DNHD1: variants seen among roughly 807,000 people sequenced by gnomAD.
DNHD1 encodes dynein heavy chain domain-containing protein 1.
In DNHD1, 383 loss-of-function variants were observed where a neutral mutation model predicts 458.1. That is an observed-to-expected ratio of 0.84 (90% confidence interval 0.77 to 0.91). DNHD1 has a LOEUF of 0.91. Ranked by LOEUF, DNHD1 falls within the 40% of genes least tolerant of loss-of-function variation. The pLI is 0.00. For missense variants in DNHD1, 5,336 were observed against 5,866.1 expected (o/e 0.91, Z 2.95); for synonymous variants, 2,203 against 2,376.9 (o/e 0.93, Z 2.13).
At position 6,557,179 on chromosome 11, in the gene DNHD1, C is replaced by A. The variant is rs1372947386; in HGVS notation, c.7884C>A (p.Gly2628=). 6.4e-7 allele frequency: 1 copy of A among 1,551,730 alleles called. No individual in the cohort carries two copies. The highest frequency in any genetic ancestry group is 1.2e-5 in the South Asian group (1 of 84,062). The change falls in exon 25 of 43, where the codon GGC becomes GGA. Residue 2628 remains glycine (G), a synonymous_variant. Transcript: ENST00000254579. Reference sequence around the variant, plus strand: ...AGGAGCACTTGCGCCGGGTGTCAGGCCTGCGAGGCACTTGTCTGACCGTTA... The same window carrying A: ...AGGAGCACTTGCGCCGGGTGTCAGGACTGCGAGGCACTTGTCTGACCGTTA... ...NHQEHLRRVS[G]LRGTCLTVMM...
chr11:6,538,341 C>A (rs1467253943), intron 14 of DNHD1, 42 bp from the exon 15 acceptor site: 17 of 1,550,028 alleles, frequency 1.1e-5, no homozygotes, highest in Middle Eastern at 1.7e-4. Context: ...CCCCTCCCAA[C>A]ACTGCAAGTA....
In DNHD1 at chr11:6,562,954, GCTGCAGGGCCTGGAT is replaced by G; in HGVS notation, c.9520-24_9520-10del. 1 of 1,546,002 alleles carries G rather than the reference GCTGCAGGGCCTGGAT, an allele frequency of 6.5e-7. No individual in the cohort carries two copies. Among genetic ancestry groups the G allele is most frequent in the Non-Finnish European group, 8.7e-7 (1 of 1,143,226 alleles). ...TTTCCCGCGTGGCCCAAGATCTGGA[GCTGCAGGGCCTGGAT>G]CTGTCTCTGCAGAGTCTCAGCATGT... On this transcript the variant is annotated splice_polypyrimidine_tract_variant and intron_variant, in intron 28 of 42. Transcript: ENST00000254579.
At chr11:6,532,524 A>G (rs1852847328) in intron 12 of DNHD1, among the ~76,000 whole-genome samples, 1 of 152,164 alleles carries the variant, frequency 6.6e-6, no homozygotes, top group African/African-American at 2.4e-5. Flanking sequence ...GAATACTTTT[A>G]TGTCTGCTAG....
In DNHD1 at chr11:6,558,102, T is replaced by C; in HGVS notation, c.8807T>C (p.Met2936Thr). ...CLRDASWHAGMLSQPVALLVP... is the reference protein window; with the variant it reads ...CLRDASWHAGTLSQPVALLVP... Reference sequence around the variant, plus strand: ...CGAGATGCCAGCTGGCATGCTGGCATGTTAAGCCAGCCAGTGGCTCTGTTG... The same window carrying C: ...CGAGATGCCAGCTGGCATGCTGGCACGTTAAGCCAGCCAGTGGCTCTGTTG... Residue 2936 changes from methionine (M) to threonine (T), a missense_variant, in exon 25 of 43, where the codon ATG (methionine) becomes ACG (threonine). Physicochemically the swap from Met to Thr is moderately conservative, Grantham distance 81. Around this residue, in one of 4 missense-constraint regions of DNHD1, gnomAD observed 3,932 missense variants for 4,365.6 expected, o/e 0.90. Transcript: ENST00000254579. The C allele has an allele frequency of 1.3e-6, 2 of 1,551,668 alleles. No homozygotes were observed. Among genetic ancestry groups the C allele is most frequent in the Non-Finnish European group, 1.7e-6 (2 of 1,146,978 alleles).
chr11:6,514,533 CT>C (rs1426190463), intron 7 of DNHD1, among the ~76,000 whole-genome samples: 1 of 149,798 alleles, frequency 6.7e-6, no homozygotes, highest in South Asian at 2.1e-4. Context: ...CCCTTCCTCC[CT>C]TTTTCTCTCC....
intron 18 of DNHD1, among the ~76,000 whole-genome samples, chr11:6,543,644 A>T (rs537380169): frequency 6.6e-6 from 1 of 152,196 alleles, no homozygotes; most frequent in East Asian, 1.9e-4. Context: ...GGCTCTACAT[A>T]TTGGCTGATG....
At position 6,548,361 on chromosome 11, in the gene DNHD1, C is replaced by T; in HGVS notation, c.7057C>T (p.His2353Tyr). Residue 2353 changes from histidine (H) to tyrosine (Y), a missense_variant, in exon 23 of 43, where the codon CAC becomes TAC. By Grantham distance (83) the His-to-Tyr change is moderately conservative. Transcript: ENST00000254579. The surrounding 1 kb of genome is among the most constrained non-coding windows in gnomAD (Gnocchi z 4.4). Reference protein sequence around the residue: ...VPFTGQYLSSHIKGTLGTFHP... With the variant: ...VPFTGQYLSSYIKGTLGTFHP... ...CTTCACTGGCCAATACCTGAGCAGC[C>T]ACATCAAAGGAACTTTGGGCACCTT... The T allele has an allele frequency of 6.4e-7, 1 of 1,551,674 alleles. No individual in the cohort carries two copies. The highest frequency in any genetic ancestry group is 8.7e-7 in the Non-Finnish European group (1 of 1,146,988).
At position 6,502,825 on chromosome 11, in the gene DNHD1, T is replaced by A. The variant is rs1457424366; in HGVS notation, c.819T>A (p.Thr273=). ...GCAGCACCGGCTTTTCACCTGAGACTTCCTTCCTGGATAGCCAGGTGATGA... is the reference window on the plus strand; with the variant it reads ...GCAGCACCGGCTTTTCACCTGAGACATCCTTCCTGGATAGCCAGGTGATGA... ...QKSSTGFSPE[T]SFLDSQVMTA... is the part of the protein sequence containing the mutation. The change falls in exon 4 of 43, where the codon ACT becomes ACA. Residue 273 remains threonine (T), a synonymous_variant. Transcript: ENST00000254579. The A allele has an allele frequency of 6.2e-6, 10 of 1,613,056 alleles. No individual in the cohort carries two copies. The highest frequency in any genetic ancestry group is 7.6e-6 in the Non-Finnish European group (9 of 1,179,608).
Position 6,519,782 on chromosome 11 carries a change from C to G in DNHD1, c.1575C>G (p.Asp525Glu). 1 of 1,613,776 alleles carries G rather than the reference C, an allele frequency of 6.2e-7. No individual in the cohort carries two copies. Among genetic ancestry groups the G allele is most frequent in the South Asian group, 1.1e-5 (1 of 91,078 alleles). The stretch of plus-strand genomic sequence containing the variant: ...TGGGAAAGTTTGCCCGCCTGGTTGA[C>G]TACATGATTTGTCAGAGCCTCATTT... ...LQLGKFARLV[D>E]YMICQSLISV... The change falls in exon 8 of 43, where the codon GAC (aspartate) becomes GAG (glutamate). Residue 525 changes from aspartate (D) to glutamate (E), a missense_variant. Physicochemically the swap from Asp to Glu is conservative, Grantham distance 45 (BLOSUM62 2). Around this residue, in one of 4 missense-constraint regions of DNHD1, gnomAD observed 3,932 missense variants for 4,365.6 expected, o/e 0.90. Coordinates refer to ENST00000254579, the MANE Select transcript of DNHD1 (RefSeq NM_144666.3).
At chr11:6,509,110 G>A (rs752685203) in intron 5 of DNHD1, 27 bp downstream of exon 5, 5 of 1,614,048 alleles carry the variant, frequency 3.1e-6, no homozygotes, top group Non-Finnish European at 3.4e-6. Flanking sequence ...ATGTGATTTG[G>A]GGGGAAATGG....
intron 16 of DNHD1, 34 bp downstream of exon 16, chr11:6,538,844 G>C: frequency 6.8e-7 from 1 of 1,465,944 alleles, no homozygotes; most frequent in Non-Finnish European, 9.1e-7. Flanking sequence ...AGGGGGAAAG[G>C]GAAATATGTG....
rs767947865 is a variant in DNHD1, at chr11:6,511,421, C to G, written c.1384C>G (p.Leu462Val). Residue 462 changes from leucine (L) to valine (V), a missense_variant, in exon 7 of 43, where the codon CTT becomes GTT. Coordinates refer to ENST00000254579, the MANE Select transcript of DNHD1 (RefSeq NM_144666.3). Reference sequence around the variant, plus strand: ...TTGCCTAAACCTCTGCACATCCATTCTTCGACTGGTAAGAGGCTCTTAGTT... The same window carrying G: ...TTGCCTAAACCTCTGCACATCCATTGTTCGACTGGTAAGAGGCTCTTAGTT... The part of the protein sequence containing the change: ...HRCLNLCTSI[L>V]RLVHEDTYHM... 1.9e-6 allele frequency: 3 copies of G among 1,614,026 alleles called. No homozygotes were observed. Among genetic ancestry groups the G allele is most frequent in the South Asian group, 1.1e-5 (1 of 91,080 alleles).
At chr11:6,541,560 C>T (rs116654423) in intron 18 of DNHD1, among the ~76,000 whole-genome samples, 323 of 152,276 alleles carry the variant, frequency 2.1e-3, no homozygotes, top group African/African-American at 7.4e-3. Flanking sequence ...GAGCTTCTAT[C>T]GCTCTGTGGC....
rs894256780 is a variant in DNHD1, at chr11:6,568,664, G to C, written c.12662-1G>C. Reference sequence around the variant, plus strand: ...GACTCAGCACTCTCCTTCCTCCCCAGCTGTGCTGACTCAGCACTCCATGCC... The same window carrying C: ...GACTCAGCACTCTCCTTCCTCCCCACCTGTGCTGACTCAGCACTCCATGCC... On this transcript the variant is annotated splice_acceptor_variant, in intron 38 of 42. Coordinates refer to ENST00000254579, the MANE Select transcript of DNHD1 (RefSeq NM_144666.3). LOFTEE classifies it high-confidence loss of function. 13 of 1,613,816 alleles carry C rather than the reference G, an allele frequency of 8.1e-6. No individual in the cohort carries two copies. Among genetic ancestry groups the C allele is most frequent in the Admixed American group, 6.7e-5 (4 of 59,994 alleles).
chr11:6,514,246 G>A (rs1852409005), intron 7 of DNHD1, among the ~76,000 whole-genome samples: 1 of 152,108 alleles, frequency 6.6e-6, no homozygotes, highest in Admixed American at 6.5e-5. Flanking sequence ...TGGGATTACA[G>A]GTGTGAGCCA....
chr11:6,518,415 A>G (rs1322971624), intron 7 of DNHD1, among the ~76,000 whole-genome samples: 1 of 152,194 alleles, frequency 6.6e-6, no homozygotes, highest in Non-Finnish European at 1.5e-5. Context: ...TTGGTGCTTT[A>G]AAAATGTATA....
In DNHD1 at chr11:6,556,715, A is replaced by C. The variant is rs1564819850; in HGVS notation, c.7420A>C (p.Thr2474Pro). 1 of 1,548,674 alleles carries C rather than the reference A, an allele frequency of 6.5e-7. No homozygotes were observed. The part of the protein sequence containing the change: ...PEKSCQPVLE[T>P]LRQAMDGTVY... ...GAAGAGCTGCCAGCCAGTGTTGGAG[A>C]CTCTGCGCCAGGCCATGGATGGCAC... The change falls in exon 25 of 43, where the codon ACT becomes CCT. Residue 2474 changes from threonine to proline, a missense_variant. Coordinates refer to ENST00000254579, the MANE Select transcript of DNHD1 (RefSeq NM_144666.3).
rs776461722 is a variant in DNHD1 at position 6,544,570 on chromosome 11, A to G, written c.3755-4A>G. 2.3e-5 allele frequency: 35 copies of G among 1,550,624 alleles called. No homozygotes were observed. Among genetic ancestry groups the G allele is most frequent in the Non-Finnish European group, 2.8e-5 (32 of 1,146,312 alleles). On this transcript the variant is annotated splice_region_variant and splice_polypyrimidine_tract_variant and intron_variant, in intron 19 of 42. Coordinates refer to ENST00000254579, the MANE Select transcript of DNHD1 (RefSeq NM_144666.3). ...CACCAGCATTCCTCTGGCTGCTTAC[A>G]CAGGTGCCCTGCTGGAGGTGTGGCT... is the stretch of plus-strand genomic sequence containing the variant.
intron 14 of DNHD1, among the ~76,000 whole-genome samples, chr11:6,535,281 A>C (rs930759762): frequency 6.6e-6 from 1 of 152,258 alleles, no homozygotes; most frequent in Admixed American, 6.5e-5. Flanking sequence ...ATACGCATGT[A>C]ACTGTGTGTT....
Sources: allele counts gnomAD v4.1 joint callset (sites outside exome capture counted in the v4.1 genomes callset), GRCh38; gene constraint gnomAD v4.1.1; regional missense constraint gnomAD v4.1.1; non-coding constraint Gnocchi (gnomAD v3.1); transcripts MANE v1.5; gene names NCBI Gene and HGNC (gene_info 2026-07-23, HGNC 2026-07-21).